The following EYS variants were observed in gnomAD, a reference collection of about 807,000 sequenced individuals.
The protein encoded by EYS is EGF-like photoreceptor maintenance factor, also known as protein eyes shut homolog.
EYS carries 250 observed loss-of-function variants against 282.1 expected under a neutral mutation model. That is an observed-to-expected ratio of 0.89 (90% CI 0.80 to 0.98). The LOEUF is 0.98. Ranked by LOEUF, EYS falls within the 50% of genes least tolerant of loss-of-function variation. The probability of loss-of-function intolerance (pLI) is 0.00; values close to 1 mark genes in which losing one functional copy is unlikely to be tolerated. For missense variants in EYS, 4,016 were observed against 3,709.0 expected (o/e 1.08, Z -2.15); for synonymous variants, 1,355 against 1,282.9 (o/e 1.06, Z -1.20).
In EYS at chr6:65,218,182, TA is replaced by T. The variant is rs550620385; in HGVS notation, c.2023+77680del. ...GTAAATTGAAAATACTAAGAGAAGATAAATGAACATTAGATAGTATGGGGGA... is the reference window on the plus strand; with the variant it reads ...GTAAATTGAAAATACTAAGAGAAGATAATGAACATTAGATAGTATGGGGGA... On this transcript the variant is annotated intron_variant, in intron 12 of 42. Coordinates refer to ENST00000503581, the MANE Select transcript of EYS (RefSeq NM_001142800.2). Among the ~76,000 whole-genome samples the T allele has an allele frequency of 3.0e-4, 45 of 152,236 alleles. 1 individual carries two copies. In the East Asian group the frequency reaches 7.9e-3, roughly 27 times the overall value.
At chr6:64,516,205 A>C (rs1412993194) in intron 26 of EYS, among the ~76,000 whole-genome samples, 1 of 151,666 alleles carries the variant, frequency 6.6e-6, no homozygotes, top group Non-Finnish European at 1.5e-5. Context: ...AGGAAAAAGT[A>C]ACTAACAGAT....
At chr6:64,791,234 C>T (rs531546922) in intron 22 of EYS, among the ~76,000 whole-genome samples, 7 of 151,920 alleles carry the variant, frequency 4.6e-5, no homozygotes, top group Middle Eastern at 3.4e-3. Flanking sequence ...GCAAATTTCA[C>T]TCAGCAAGAC....
intron 4 of EYS, among the ~76,000 whole-genome samples, chr6:65,493,679 AT>A (rs536628139): frequency 4.0e-5 from 6 of 151,370 alleles, no homozygotes; most frequent in Middle Eastern, 3.4e-3. Context: ...CATCATTTAC[AT>A]TTTTTTTTAG....
intron 15 of EYS, among the ~76,000 whole-genome samples, chr6:64,923,928 C>T (rs1017473170): frequency 1.3e-5 from 2 of 152,088 alleles, no homozygotes; most frequent in Non-Finnish European, 2.9e-5. Context: ...TTTCCAGGCA[C>T]ATGGTGCAAG....
rs78778361 is a variant in EYS at position 63,795,893 on chromosome 6, G to A, written c.7412-6669C>T. ...GGAGAGAAAATTGTCAGAACTGTGC[G>A]GCAACCCTGAGTGCCTTATGGTAAT... is the stretch of plus-strand genomic sequence containing the variant. On this transcript the variant is annotated intron_variant, in intron 37 of 42. Transcript: ENST00000503581. Among the ~76,000 whole-genome samples the A allele has an allele frequency of 7.3e-3, 1,111 of 152,140 alleles. 17 individuals are homozygous for A. Among genetic ancestry groups the A allele is most frequent in the South Asian group, 0.055 (264 of 4,820 alleles).
intron 28 of EYS, among the ~76,000 whole-genome samples, chr6:64,423,992 A>C (rs926114940): frequency 2.0e-5 from 3 of 152,148 alleles, no homozygotes; most frequent in Admixed American, 6.5e-5. Flanking sequence ...TTAACCTTTC[A>C]TTTTGCATTC....
chr6:64,582,452 T>C (rs1766101188), intron 26 of EYS, among the ~76,000 whole-genome samples: 1 of 152,104 alleles, frequency 6.6e-6, no homozygotes, highest in Non-Finnish European at 1.5e-5. Context: ...TGGTCCCTGG[T>C]GCCAGAAATT....
At chr6:64,396,645 T>C (rs750901406) in intron 28 of EYS, among the ~76,000 whole-genome samples, 3 of 152,126 alleles carry the variant, frequency 2.0e-5, no homozygotes, top group Non-Finnish European at 4.4e-5. Context: ...GGAAATCCAA[T>C]CGACTCAGTA....
chr6:64,208,174 A>G (rs1190353438), intron 31 of EYS, among the ~76,000 whole-genome samples: 3 of 152,198 alleles, frequency 2.0e-5, no homozygotes, highest in Non-Finnish European at 4.4e-5. Context: ...GTGTTCCACA[A>G]AATCATCTCT....
At chr6:65,120,961 C>T (rs9453193) in intron 12 of EYS, among the ~76,000 whole-genome samples, 3,208 of 152,224 alleles carry the variant, frequency 0.021, 78 homozygotes, top group African/African-American at 0.06. Context: ...TTTTCATCTT[C>T]CGTTCTGCTG....
At chr6:64,034,269 C>T (rs954705631) in intron 33 of EYS, among the ~76,000 whole-genome samples, 3 of 152,180 alleles carry the variant, frequency 2.0e-5, no homozygotes, top group Admixed American at 6.5e-5. Context: ...AGTACTACCA[C>T]CACAACTAGC....
Position 65,353,377 on chromosome 6 carries a change from G to C in EYS, c.1459+81C>G, listed in dbSNP as rs752584858. The C allele has an allele frequency of 3.4e-6, 4 of 1,170,102 alleles. No individual in the cohort carries two copies. The Admixed American group carries it at 7.0e-5, about 20-fold the overall frequency. 72.5% of individuals were successfully genotyped at this position (1,170,102 alleles called of 1,614,324 possible). ...TACGTTTTGAGATATAAAATACTTT[G>C]TGTGTTTAGAAAATGAATACGTGAC... On this transcript the variant is annotated intron_variant, in intron 9 of 42. Transcript: ENST00000503581.
At chr6:64,405,616 C>G (rs1281261662) in intron 28 of EYS, among the ~76,000 whole-genome samples, 2 of 152,134 alleles carry the variant, frequency 1.3e-5, no homozygotes, top group African/African-American at 2.4e-5. Context: ...AGCTGATAAG[C>G]AACTTCAGCA....
At chr6:63,772,395 TCTAGTTCCTA>T (rs1190470961) in intron 40 of EYS, among the ~76,000 whole-genome samples, 4 of 152,154 alleles carry the variant, frequency 2.6e-5, no homozygotes, top group Admixed American at 2.6e-4. Flanking sequence ...TGCTGAAAAT[TCTAGTTCCTA>T]ATGATTAATG....
At position 65,280,001 on chromosome 6, in the gene EYS, G is replaced by C. The variant is rs141069462; in HGVS notation, c.2023+15862C>G. Among the ~76,000 whole-genome samples, 1,414 of 152,108 alleles carry C rather than the reference G, an allele frequency of 9.3e-3. 13 individuals are homozygous for C. Among genetic ancestry groups the C allele is most frequent in the Non-Finnish European group, 0.014 (980 of 67,986 alleles). On this transcript the variant is annotated intron_variant, in intron 12 of 42. Coordinates refer to ENST00000503581, the MANE Select transcript of EYS (RefSeq NM_001142800.2). ...TCCTAGAGCATTTTCAGTATCACTT[G>C]GAAATAGACCCAGGATAGCAACCAC...
chr6:65,369,306 AATATATATATTATATATATATATTTAT>A (rs1418178773), intron 8 of EYS, among the ~76,000 whole-genome samples: 4 of 59,874 alleles, frequency 6.7e-5, no homozygotes, highest in African/African-American at 1.4e-4. Flanking sequence ...ATTTATGTAT[AATATATATATTATATATATATATTTAT>A]ATATATATAT....
chr6:65,575,596 A>C (rs1261953630), intron 2 of EYS, among the ~76,000 whole-genome samples: 1 of 151,888 alleles, frequency 6.6e-6, no homozygotes, highest in African/African-American at 2.4e-5. Flanking sequence ...TAAAGACTAC[A>C]GTAGAAATAA....
At chr6:64,063,952 T>A (rs1771273135) in intron 33 of EYS, among the ~76,000 whole-genome samples, 1 of 152,172 alleles carries the variant, frequency 6.6e-6, no homozygotes, top group South Asian at 2.1e-4. Flanking sequence ...GGTCTTGAAC[T>A]CCTGACCTCA....
chr6:65,697,801 T>C (rs1769508791), intron 1 of EYS, among the ~76,000 whole-genome samples: 1 of 152,138 alleles, frequency 6.6e-6, no homozygotes, highest in African/African-American at 2.4e-5. Context: ...TCTATCTTAG[T>C]CAGAGCCTGT....
Sources: allele counts gnomAD v4.1 joint callset (sites outside exome capture counted in the v4.1 genomes callset), GRCh38; gene constraint gnomAD v4.1.1; transcripts MANE v1.5; gene names NCBI Gene and HGNC (gene_info 2026-07-23, HGNC 2026-07-21).